IFNAR2: variants seen among roughly 807,000 people sequenced by gnomAD.
IFNAR2 encodes the protein interferon alpha and beta receptor subunit 2, also known as interferon alpha/beta receptor 2.
In IFNAR2, 30 loss-of-function variants were observed where a neutral mutation model predicts 49.4. That is an observed-to-expected ratio of 0.61 (90% confidence interval 0.45 to 0.82). IFNAR2 has a LOEUF of 0.82. IFNAR2 is among the 40% of genes least tolerant of loss of function. The pLI is 0.00. For synonymous variants in IFNAR2, 224 were observed against 234.5 expected, an observed-to-expected ratio of 0.96 and a Z score of 0.41; for missense variants, 600 against 622.7, an observed-to-expected ratio of 0.96 and a Z score of 0.39.
At chr21:33,241,445 A>G (rs1411134009) in intron 1 of IFNAR2, among the ~76,000 whole-genome samples, 3 of 152,214 alleles carry the variant, frequency 2.0e-5, no homozygotes, top group Admixed American at 6.5e-5. Flanking sequence ...AAACAAGGAT[A>G]GAAAGATCTT....
Position 33,242,757 on chromosome 21 carries a change from GCGTGTGTGTGTGTGTGTGTGTGTGT to G in IFNAR2, c.55+781_55+805del. Among the ~76,000 whole-genome samples, 2 of 6,286 alleles carry G rather than the reference GCGTGTGTGTGTGTGTGTGTGTGTGT, an allele frequency of 3.2e-4. 1 individual carries two copies. The highest frequency in any genetic ancestry group is 5.9e-4 in the Non-Finnish European group (2 of 3,364). The allele number at this position is 6,286 out of a possible 152,430, so 4.1% of individuals were successfully genotyped here. A position where few individuals can be genotyped will look rare whatever the true frequency, so the allele number is the denominator to read the frequency against. On this transcript the variant is annotated intron_variant, in intron 2 of 8. Transcript: ENST00000342136. ...AAAAAAAAAAAAAAAAATCTCGTGT[GCGTGTGTGTGTGTGTGTGTGTGTGT>G]GTGTGTGTGTGTGTGTGTGTGTTTT...
chr21:33,248,246 C>T (rs1245877282), intron 5 of IFNAR2, among the ~76,000 whole-genome samples: 1 of 151,942 alleles, frequency 6.6e-6, no homozygotes, highest in Non-Finnish European at 1.5e-5. Flanking sequence ...GTGGCTCACA[C>T]CTGTAATCCC....
intron 2 of IFNAR2, among the ~76,000 whole-genome samples, chr21:33,242,758 C>T (rs1286202635): frequency 2.5e-4 from 19 of 76,572 alleles, no homozygotes; most frequent in Non-Finnish European, 4.3e-4. Flanking sequence ...ATCTCGTGTG[C>T]GTGTGTGTGT....
At chr21:33,253,405 G>T (rs1013303241) in intron 7 of IFNAR2, among the ~76,000 whole-genome samples, 1 of 152,144 alleles carries the variant, frequency 6.6e-6, no homozygotes, top group Admixed American at 6.5e-5. Flanking sequence ...TCAAGCCTCG[G>T]AACTCCCTGC....
At chr21:33,248,914 C>G (rs1421811543) in intron 6 of IFNAR2, 60 bp downstream of exon 6, 15 of 1,224,740 alleles carry the variant, frequency 1.2e-5, no homozygotes. Context: ...ATGCACTTGA[C>G]TGTCTCTTTT....
chr21:33,249,343 C>CA (rs58744346), intron 6 of IFNAR2, among the ~76,000 whole-genome samples: 2,782 of 107,050 alleles, frequency 0.026, 42 homozygotes, highest in Non-Finnish European at 0.034. Context: ...GACTCCGTCT[C>CA]AAAAAAAAAA....
chr21:33,246,904 C>G lies in IFNAR2; in HGVS notation c.394+14C>G, dbSNP rs771765702. On this transcript the variant is annotated intron_variant, in intron 5 of 8. Coordinates refer to ENST00000342136, the MANE Select transcript of IFNAR2 (RefSeq NM_001289125.3). ...TGGCCATAGACAGTGAGTTTTATCT[C>G]TGTTTCTCCACTTCGTCCCCATCAT... 2.5e-6 allele frequency: 4 copies of G among 1,603,376 alleles called. No individual in the cohort carries two copies. The South Asian group carries it at 3.3e-5, about 13-fold the overall frequency.
chr21:33,261,459 T>G (rs1246709740), intron 8 of IFNAR2, among the ~76,000 whole-genome samples: 1 of 152,258 alleles, frequency 6.6e-6, no homozygotes, highest in Non-Finnish European at 1.5e-5. Flanking sequence ...CATTTGGATT[T>G]CTTTTCCTTT....
intron 2 of IFNAR2, among the ~76,000 whole-genome samples, chr21:33,242,234 G>A (rs944912085): frequency 4.6e-5 from 7 of 152,122 alleles, no homozygotes; most frequent in Admixed American, 1.3e-4. Flanking sequence ...GACTATCCTC[G>A]CCATAATTTG....
rs762005656 is a variant in IFNAR2 at position 33,241,936 on chromosome 21, A to G, written c.14A>G (p.Gln5Arg). The part of the protein sequence containing the change: MLLS[Q>R]NAFIFRSLNL... ...AAAATAGCAAAGATGCTTTTGAGCC[A>G]GAATGCCTTCATCTTCAGATCACTT... Residue 5 changes from glutamine to arginine, a missense_variant, in exon 2 of 9, where the codon CAG becomes CGG. By Grantham distance (43) the Gln-to-Arg change is conservative. Transcript: ENST00000342136. 3.7e-6 allele frequency: 6 copies of G among 1,612,932 alleles called. No individual in the cohort carries two copies. The Admixed American group carries it at 8.3e-5, about 22-fold the overall frequency.
rs1490623244 is a variant in IFNAR2, at chr21:33,230,037, G to C, written c.-263G>C. 1.0e-6 allele frequency: 1 copy of C among 985,586 alleles called. No individual in the cohort carries two copies. The highest frequency in any genetic ancestry group is 1.2e-6 in the Non-Finnish European group (1 of 829,960). The allele number at this position is 985,586 out of a possible 1,614,324, so 61.1% of individuals were successfully genotyped here. On this transcript the variant is annotated 5_prime_UTR_variant, in exon 1 of 9. Coordinates refer to ENST00000342136, the MANE Select transcript of IFNAR2 (RefSeq NM_001289125.3). This position sits in a 1 kb window ranked among gnomAD's most constrained non-coding sequence, Gnocchi z 5.5. ...CCGCCGGCGAGCCGAACAGTTCCCC[G>C]AGCGCAGCCCGCGGACCACCACCCG... is the stretch of plus-strand genomic sequence containing the variant.
chr21:33,240,807 C>CT (rs1986861514), intron 1 of IFNAR2, among the ~76,000 whole-genome samples: 1 of 1,708 alleles, frequency 5.9e-4, no homozygotes, highest in African/African-American at 1.7e-3. Flanking sequence ...CACAGCAAGA[C>CT]CCGTCTCAAA....
Position 33,252,769 on chromosome 21 carries a change from T to C in IFNAR2, c.648T>C (p.Asp216=). The C allele has an allele frequency of 6.2e-7, 1 of 1,614,016 alleles. No homozygotes were observed. The highest frequency in any genetic ancestry group is 1.3e-5 in the African/African-American group (1 of 75,044). ...TATCTGTTTATTTAGAGCACAGTGA[T>C]GAGCAAGCAGTAATAAAGTCTCCCT... ...YCVSVYLEHS[D]EQAVIKSPLK... is the part of the protein sequence containing the mutation. Residue 216 remains aspartate, a synonymous_variant, in exon 7 of 9, where the codon GAT becomes GAC. Coordinates refer to ENST00000342136, the MANE Select transcript of IFNAR2 (RefSeq NM_001289125.3).
intron 2 of IFNAR2, 92 bp downstream of exon 2, chr21:33,242,069 C>A (rs894188310): frequency 2.8e-5 from 35 of 1,258,402 alleles, no homozygotes; most frequent in Middle Eastern, 1.9e-4. Flanking sequence ...AACTCATTTC[C>A]CTGACTAGAG....
intron 5 of IFNAR2, among the ~76,000 whole-genome samples, chr21:33,247,933 G>A (rs762527533): frequency 5.9e-5 from 9 of 152,318 alleles, no homozygotes; most frequent in Non-Finnish European, 8.8e-5. Flanking sequence ...GCATGTTTAC[G>A]TATGTGTATA....
intron 6 of IFNAR2, among the ~76,000 whole-genome samples, chr21:33,251,263 G>T (rs1987817930): frequency 6.6e-6 from 1 of 152,206 alleles, no homozygotes; most frequent in South Asian, 2.1e-4. Flanking sequence ...TGAGAGTGAT[G>T]TCCCGGTAGC....
At chr21:33,255,160 A>G (rs946870033) in intron 7 of IFNAR2, among the ~76,000 whole-genome samples, 2 of 152,228 alleles carry the variant, frequency 1.3e-5, no homozygotes, top group Admixed American at 6.5e-5. Context: ...AAAACTGCAT[A>G]TAGATTCTGA....
At chr21:33,241,502 A>G (rs753259229) in intron 1 of IFNAR2, among the ~76,000 whole-genome samples, 4 of 152,218 alleles carry the variant, frequency 2.6e-5, no homozygotes, top group Non-Finnish European at 4.4e-5. Flanking sequence ...CAGGGACTAT[A>G]CATGCTATCT....
At chr21:33,231,406 A>G (rs924020684) in intron 1 of IFNAR2, among the ~76,000 whole-genome samples, 3 of 152,234 alleles carry the variant, frequency 2.0e-5, no homozygotes, top group African/African-American at 7.2e-5. Flanking sequence ...AAAAATGTAC[A>G]TGACTCATTT....
Sources: allele counts gnomAD v4.1 joint callset (sites outside exome capture counted in the v4.1 genomes callset), GRCh38; gene constraint gnomAD v4.1.1; non-coding constraint Gnocchi (gnomAD v3.1); transcripts MANE v1.5; gene names NCBI Gene and HGNC (gene_info 2026-07-23, HGNC 2026-07-21).